IFT25: variants seen among roughly 807,000 people sequenced by gnomAD.
The protein encoded by IFT25 is intraflagellar transport protein 25 homolog.
the IFT25 span, among the ~76,000 whole-genome samples, chr1:53,918,152 T>G: frequency 6.6e-6 from 1 of 152,236 alleles, no homozygotes; most frequent in Non-Finnish European, 1.5e-5. Flanking sequence ...CAGATTGAGC[T>G]ACAGCTGACT....
the IFT25 span, among the ~76,000 whole-genome samples, chr1:53,917,657 A>G: frequency 6.6e-6 from 1 of 151,716 alleles, no homozygotes; most frequent in African/African-American, 2.4e-5. Context: ...GAGACCCCCA[A>G]CTCTACTAAA....
chr1:53,941,770 T>C, the IFT25 span, among the ~76,000 whole-genome samples: 28 of 152,214 alleles, frequency 1.8e-4, no homozygotes, highest in Non-Finnish European at 2.9e-5. Flanking sequence ...GTACTAAAAT[T>C]GGAAGTAGCA....
At chr1:53,930,139 T>C in the IFT25 span, 3 of 1,548,818 alleles carry the variant, frequency 1.9e-6, no homozygotes, top group Non-Finnish European at 2.6e-6. Flanking sequence ...AAAACGTTTC[T>C]GGATTCCTAT....
At chr1:53,928,631 A>C in the IFT25 span, 34 of 533,408 alleles carry the variant, frequency 6.4e-5, no homozygotes, top group South Asian at 9.0e-4. Flanking sequence ...TGTGTAACTA[A>C]TCTTCCAAAT....
the IFT25 span, among the ~76,000 whole-genome samples, chr1:53,935,611 C>A: frequency 5.4e-5 from 8 of 148,632 alleles, no homozygotes; most frequent in African/African-American, 1.5e-4. Flanking sequence ...TACCCACCCC[C>A]AAAAAAAGGC....
chr1:53,926,906 G>A, the IFT25 span, among the ~76,000 whole-genome samples: 3 of 151,010 alleles, frequency 2.0e-5, no homozygotes, highest in Non-Finnish European at 4.4e-5. Context: ...ATTTTTTTTT[G>A]TAGAGACAAC....
At chr1:53,932,227 G>A in the IFT25 span, among the ~76,000 whole-genome samples, 6 of 152,020 alleles carry the variant, frequency 3.9e-5, no homozygotes, top group African/African-American at 7.2e-5. Context: ...GGCACATGCC[G>A]GTAGTCTCAG....
the IFT25 span, chr1:53,923,826 C>G: frequency 5.8e-6 from 5 of 867,474 alleles, no homozygotes; most frequent in African/African-American, 9.1e-5. Flanking sequence ...AATTTATTAA[C>G]TATGACTATG....
chr1:53,927,899 G>C, the IFT25 span, among the ~76,000 whole-genome samples: 1 of 152,076 alleles, frequency 6.6e-6, no homozygotes, highest in African/African-American at 2.4e-5. Context: ...TGTCCTTGTA[G>C]GTTTATGCCT....
the IFT25 span, among the ~76,000 whole-genome samples, chr1:53,912,312 T>A: frequency 6.6e-6 from 1 of 152,166 alleles, no homozygotes; most frequent in African/African-American, 2.4e-5. Flanking sequence ...GCTTTCCAAT[T>A]AGATTCTCTT....
At chr1:53,934,059 A>T in the IFT25 span, among the ~76,000 whole-genome samples, 12 of 152,300 alleles carry the variant, frequency 7.9e-5, no homozygotes, top group African/African-American at 2.9e-4. Context: ...AAAAGAGGAA[A>T]AAAAGGCAGT....
At chr1:53,943,793 T>A in the IFT25 span, among the ~76,000 whole-genome samples, 9 of 152,088 alleles carry the variant, frequency 5.9e-5, no homozygotes, top group Non-Finnish European at 1.2e-4. Context: ...CCGGCTAATT[T>A]TTTTGTTTTG....
chr1:53,924,568 G>A, the IFT25 span, among the ~76,000 whole-genome samples: 1 of 152,226 alleles, frequency 6.6e-6, no homozygotes, highest in African/African-American at 2.4e-5. Flanking sequence ...CGGGCACAGT[G>A]GCTCACGCCT....
At chr1:53,935,005 A>T in the IFT25 span, among the ~76,000 whole-genome samples, 1 of 152,186 alleles carries the variant, frequency 6.6e-6, no homozygotes, top group African/African-American at 2.4e-5. Flanking sequence ...TCTCAAAAAA[A>T]CAAAAAACGA....
At chr1:53,939,750 A>T in the IFT25 span, 9 of 416,052 alleles carry the variant, frequency 2.2e-5, no homozygotes, top group East Asian at 2.2e-4. Flanking sequence ...AACCACTTCT[A>T]AAAAAACCTA....
chr1:53,918,524 G>T, the IFT25 span, among the ~76,000 whole-genome samples: 1 of 152,196 alleles, frequency 6.6e-6, no homozygotes, highest in Non-Finnish European at 1.5e-5. Flanking sequence ...CTGGTCACAT[G>T]GCACTACTTA....
At chr1:53,914,210 A>G in the IFT25 span, among the ~76,000 whole-genome samples, 2 of 152,190 alleles carry the variant, frequency 1.3e-5, no homozygotes, top group African/African-American at 4.8e-5. Context: ...CATAACCATG[A>G]CACGTTTAAT....
chr1:53,937,155 T>C, the IFT25 span, among the ~76,000 whole-genome samples: 1 of 152,224 alleles, frequency 6.6e-6, no homozygotes, highest in Non-Finnish European at 1.5e-5. Flanking sequence ...TCTCGCTCTG[T>C]CACCCAGGCT....
chr1:53,935,027 C>T, the IFT25 span, among the ~76,000 whole-genome samples: 909 of 152,170 alleles, frequency 6.0e-3, 9 homozygotes, highest in African/African-American at 0.021. Context: ...AGAAAGAAAC[C>T]AGTCACGGCT....
Sources: gnomAD v4.1 joint callset for allele counts (sites outside exome capture counted in the v4.1 genomes callset) on GRCh38, gnomAD v4.1.1 for gene constraint, MANE v1.5 for transcripts, NCBI Gene and HGNC (gene_info 2026-07-23, HGNC 2026-07-21) for gene names.